Variants in DSCAML1 observed in about 807,000 individuals in gnomAD.
The protein encoded by DSCAML1 is cell adhesion molecule DSCAML1.
Under a neutral mutation model 200.5 loss-of-function variants are expected in DSCAML1, and 38 were observed. That is an observed-to-expected ratio of 0.19 (90% confidence interval 0.15 to 0.25). The LOEUF (loss-of-function observed/expected upper bound fraction) is 0.25, where lower values mean the gene tolerates loss of function less well. Among genes scored for constraint, DSCAML1 ranks in the 10% least tolerant of loss-of-function variants. The pLI is 1.00. For synonymous variants in DSCAML1, 1,215 were observed against 1,165.0 expected, an observed-to-expected ratio of 1.04 and a Z score of -0.87; for missense variants, 2,223 against 2,858.8, an observed-to-expected ratio of 0.78 and a Z score of 5.07.
At chr11:117,813,410 G>T (rs913885382) in intron 1 of DSCAML1, among the ~76,000 whole-genome samples, 5 of 152,086 alleles carry the variant, frequency 3.3e-5, no homozygotes, top group Non-Finnish European at 7.4e-5. Context: ...TGTTTACACT[G>T]CCGGTTTATA....
Position 117,730,542 on chromosome 11 carries a change from A to G in DSCAML1, c.511+46249T>C, listed in dbSNP as rs1006091633. ...AGGCAACCAACACAGCAGCAATCAG[A>G]AGGAAAGATACCAACAGGATTTGGA... On this transcript the variant is annotated intron_variant, in intron 3 of 32. Transcript: ENST00000651296. Among the ~76,000 whole-genome samples the G allele has an allele frequency of 3.7e-4, 57 of 152,196 alleles. 1 individual carries two copies. The highest frequency in any genetic ancestry group is 1.3e-3 in the African/African-American group (55 of 41,444).
At chr11:117,474,340 G>A (rs2048745440) in intron 14 of DSCAML1, among the ~76,000 whole-genome samples, 1 of 152,018 alleles carries the variant, frequency 6.6e-6, no homozygotes, top group South Asian at 2.1e-4. Context: ...TATCTCTTGG[G>A]CCAGCTTCTC....
At chr11:117,566,323 T>C (rs989240460) in intron 3 of DSCAML1, among the ~76,000 whole-genome samples, 9 of 150,520 alleles carry the variant, frequency 6.0e-5, no homozygotes, top group African/African-American at 2.0e-4. Context: ...CTGTCTCTCT[T>C]TCTCCCTTTC....
intron 3 of DSCAML1, among the ~76,000 whole-genome samples, chr11:117,711,472 G>T (rs921640301): frequency 1.3e-5 from 2 of 152,196 alleles, no homozygotes. Flanking sequence ...GTTCAGGGCA[G>T]TTTCCTCCCT....
At chr11:117,451,386 G>A (rs555017250) in intron 19 of DSCAML1, among the ~76,000 whole-genome samples, 2 of 152,298 alleles carry the variant, frequency 1.3e-5, no homozygotes, top group South Asian at 2.1e-4. Context: ...TTGTGTACTT[G>A]TTTCCTTTCT....
At chr11:117,797,650 T>C (rs1210288051), upstream of DSCAML1, among the ~76,000 whole-genome samples, 1 of 138,370 alleles carries the variant, frequency 7.2e-6, no homozygotes, top group Non-Finnish European at 1.5e-5. Flanking sequence ...GGCTTTTCAG[T>C]GCTGTCTGGT....
intron 3 of DSCAML1, among the ~76,000 whole-genome samples, chr11:117,708,574 A>G (rs1265298783): frequency 6.6e-6 from 1 of 152,254 alleles, no homozygotes; most frequent in Non-Finnish European, 1.5e-5. Flanking sequence ...GGCACACAGC[A>G]AGCCCTCAAG....
chr11:117,783,898 T>C (rs1183781734), intron 1 of DSCAML1, among the ~76,000 whole-genome samples: 4 of 152,318 alleles, frequency 2.6e-5, no homozygotes, highest in Non-Finnish European at 4.4e-5. Context: ...CCACTCTCCC[T>C]GCCTCCTGAG....
intron 3 of DSCAML1, among the ~76,000 whole-genome samples, chr11:117,563,710 C>T (rs1158705418): frequency 1.3e-5 from 2 of 152,038 alleles, no homozygotes; most frequent in East Asian, 1.9e-4. Context: ...TATAATGGAC[C>T]TCAAAGCGGA....
At chr11:117,589,807 G>A (rs144134200) in intron 3 of DSCAML1, among the ~76,000 whole-genome samples, 7 of 152,312 alleles carry the variant, frequency 4.6e-5, no homozygotes, top group African/African-American at 1.7e-4. Flanking sequence ...GCTCCTTTGA[G>A]TTTGACATCA....
chr11:117,457,669 G>C (rs1765184247), intron 19 of DSCAML1, among the ~76,000 whole-genome samples: 1 of 152,108 alleles, frequency 6.6e-6, no homozygotes, highest in Non-Finnish European at 1.5e-5. Flanking sequence ...GGGAGGGAGA[G>C]CCGGGAGATT....
intron 3 of DSCAML1, among the ~76,000 whole-genome samples, chr11:117,551,915 T>C (rs890924319): frequency 2.6e-5 from 4 of 151,946 alleles, no homozygotes; most frequent in Non-Finnish European, 2.9e-5. Context: ...ATGAGGAGTA[T>C]TACAGAATGA....
intron 3 of DSCAML1, among the ~76,000 whole-genome samples, chr11:117,666,883 C>T (rs879598739): frequency 1.3e-5 from 2 of 152,162 alleles, no homozygotes; most frequent in Admixed American, 6.5e-5. Flanking sequence ...ATGCGTGGCA[C>T]GTGGTAAGCT....
intron 4 of DSCAML1, among the ~76,000 whole-genome samples, chr11:117,531,813 G>C (rs2050080459): frequency 6.6e-6 from 1 of 151,836 alleles, no homozygotes; most frequent in Non-Finnish European, 1.5e-5. Flanking sequence ...TTGAACCCAG[G>C]GGGCGGAAGT....
chr11:117,784,970 G>A (rs1294219355), intron 1 of DSCAML1, among the ~76,000 whole-genome samples: 1 of 152,184 alleles, frequency 6.6e-6, no homozygotes, highest in Non-Finnish European at 1.5e-5. Context: ...GCTCCACCCT[G>A]CAGCTCTGCA....
chr11:117,498,128 C>T lies in DSCAML1; in HGVS notation c.2359+5717G>A, dbSNP rs1290789222. ...CCCACCCAGGGAGGCGAAGACCAGC[C>T]CCAGCCCCCAAGGAGCTTCAGTCTG... On this transcript the variant is annotated intron_variant, in intron 11 of 32. Coordinates refer to ENST00000651296, the MANE Select transcript of DSCAML1 (RefSeq NM_020693.4). This position sits in a 1 kb window ranked among gnomAD's most constrained non-coding sequence, Gnocchi z 4.0. Among the ~76,000 whole-genome samples, 2 of 152,220 alleles carry T rather than the reference C, an allele frequency of 1.3e-5. No individual in the cohort carries two copies. The highest frequency in any genetic ancestry group is 1.9e-4 in the East Asian group (1 of 5,196).
At chr11:117,572,003 A>T (rs746826037) in intron 3 of DSCAML1, among the ~76,000 whole-genome samples, 2 of 152,232 alleles carry the variant, frequency 1.3e-5, no homozygotes, top group Non-Finnish European at 2.9e-5. Flanking sequence ...TATGGTCTAA[A>T]AAGGGGAGGC....
At chr11:117,434,768 C>G (rs908611747) in intron 27 of DSCAML1, among the ~76,000 whole-genome samples, 4 of 152,140 alleles carry the variant, frequency 2.6e-5, no homozygotes, top group African/African-American at 7.2e-5. Flanking sequence ...CACCACCCAT[C>G]TAGTCATTCA....
intron 3 of DSCAML1, among the ~76,000 whole-genome samples, chr11:117,748,175 A>G (rs948680483): frequency 6.6e-6 from 1 of 152,236 alleles, no homozygotes; most frequent in Non-Finnish European, 1.5e-5. Context: ...AAGTGAAGAC[A>G]GAGCAAGAAC....
Sources: allele counts gnomAD v4.1 joint callset (sites outside exome capture counted in the v4.1 genomes callset), GRCh38; gene constraint gnomAD v4.1.1; non-coding constraint Gnocchi (gnomAD v3.1); transcripts MANE v1.5; gene names NCBI Gene and HGNC (gene_info 2026-07-23, HGNC 2026-07-21).